Variants in GRAMD1B observed in about 807,000 individuals in gnomAD.
GRAMD1B encodes GRAM domain containing 1B.
In GRAMD1B, 37 loss-of-function variants were observed where a neutral mutation model predicts 99.7. The observed-to-expected ratio is 0.37, with a 90% CI of 0.29 to 0.49. The LOEUF is 0.49. Ranked by LOEUF, GRAMD1B falls within the 20% of genes least tolerant of loss-of-function variation. The pLI is 0.98. For synonymous variants in GRAMD1B, 427 were observed against 387.6 expected (o/e 1.10, Z -1.19); for missense variants, 888 against 1,009.2 (o/e 0.88, Z 1.63).
intron 2 of GRAMD1B, among the ~76,000 whole-genome samples, chr11:123,530,799 C>A (rs1026056906): frequency 1.3e-5 from 2 of 152,112 alleles, no homozygotes; most frequent in East Asian, 3.9e-4. Context: ...AGGTGAGTTG[C>A]GGTGAAGGTT....
chr11:123,451,819 C>A (rs751771532), intron 1 of GRAMD1B, among the ~76,000 whole-genome samples: 2 of 148,856 alleles, frequency 1.3e-5, no homozygotes, highest in Non-Finnish European at 3.0e-5. Context: ...ATTATTCATT[C>A]ATTTGTTTGA....
chr11:123,483,417 G>T lies in GRAMD1B; in HGVS notation c.452+2524G>T, dbSNP rs548112610. 5.5e-5 allele frequency among the ~76,000 whole-genome samples: 8 copies of T among 145,888 alleles called. No homozygotes were observed. The East Asian group carries it at 1.2e-3, about 22-fold the overall frequency. ...TTTTTTTTTTTTTTTTTGAGATAGG[G>T]TCTCTGTCACCCAGGCTGAAGTGCA... On this transcript the variant is annotated intron_variant, in intron 2 of 19. Coordinates refer to ENST00000635736, the MANE Select transcript of GRAMD1B (RefSeq NM_001387025.1).
chr11:123,443,460 A>G (rs1265031994), intron 1 of GRAMD1B, among the ~76,000 whole-genome samples: 3 of 152,264 alleles, frequency 2.0e-5, no homozygotes, highest in Non-Finnish European at 4.4e-5. Flanking sequence ...ATGTAAGACA[A>G]TAATCAATAC....
intron 1 of GRAMD1B, among the ~76,000 whole-genome samples, chr11:123,410,919 G>C (rs1197829524): frequency 6.6e-6 from 1 of 152,020 alleles, no homozygotes; most frequent in Admixed American, 6.6e-5. Flanking sequence ...CTAATGGTTT[G>C]AGAAAATGGA....
intron 12 of GRAMD1B, 125 bp downstream of exon 12, chr11:123,608,927 A>G (rs370811586): frequency 1.4e-6 from 1 of 706,346 alleles, no homozygotes; most frequent in Non-Finnish European, 2.4e-6. Flanking sequence ...CGGCCACCTC[A>G]GGGCCCAGAC....
chr11:123,563,671 C>T (rs1947048490), intron 2 of GRAMD1B, among the ~76,000 whole-genome samples: 1 of 152,036 alleles, frequency 6.6e-6, no homozygotes, highest in African/African-American at 2.4e-5. Flanking sequence ...AACCACCACA[C>T]CTGGCTAATT....
At chr11:123,403,477 TAA>T (rs1473426674) in intron 1 of GRAMD1B, among the ~76,000 whole-genome samples, 29 of 148,026 alleles carry the variant, frequency 2.0e-4, no homozygotes, top group African/African-American at 6.7e-4. Flanking sequence ...ATAATAATAA[TAA>T]TAATAATAAT....
chr11:123,497,816 G>A (rs1274716908), intron 2 of GRAMD1B, among the ~76,000 whole-genome samples: 2 of 149,636 alleles, frequency 1.3e-5, no homozygotes, highest in Non-Finnish European at 2.9e-5. Flanking sequence ...CAGGAGAATC[G>A]CTTGAACCCG....
chr11:123,584,269 T>C, intron 3 of GRAMD1B, 43 bp from the exon 4 acceptor site: 1 of 916,448 alleles, frequency 1.1e-6, no homozygotes, highest in Non-Finnish European at 1.5e-6. Context: ...CCCCCATTTC[T>C]TCCCTGACTA....
At chr11:123,412,421 T>C (rs1310576301) in intron 1 of GRAMD1B, among the ~76,000 whole-genome samples, 1 of 152,200 alleles carries the variant, frequency 6.6e-6, no homozygotes, top group Non-Finnish European at 1.5e-5. Context: ...TGCATATTAT[T>C]TTTCCTCTTT....
At chr11:123,448,355 C>T (rs1252200236) in intron 1 of GRAMD1B, among the ~76,000 whole-genome samples, 3 of 109,356 alleles carry the variant, frequency 2.7e-5, no homozygotes, top group African/African-American at 4.4e-5. Context: ...TGGGTTCAAG[C>T]GATTCTCGTG....
intron 2 of GRAMD1B, among the ~76,000 whole-genome samples, chr11:123,573,413 G>A (rs755678316): frequency 6.6e-6 from 1 of 152,200 alleles, no homozygotes; most frequent in Admixed American, 6.5e-5. Flanking sequence ...GAAGCCTGGA[G>A]GCAGGAAGTT....
intron 1 of GRAMD1B, among the ~76,000 whole-genome samples, chr11:123,417,674 T>C (rs501837): frequency 0.97 from 148,148 of 152,276 alleles, 72,096 homozygotes; most frequent in East Asian, 1. Context: ...CAATGGCCCA[T>C]GCCTGTAATC....
chr11:123,479,098 G>A (rs1591653997), intron 1 of GRAMD1B, among the ~76,000 whole-genome samples: 1 of 152,176 alleles, frequency 6.6e-6, no homozygotes, highest in Admixed American at 6.5e-5. Flanking sequence ...CATAGTGAAC[G>A]AGCTGTAAAA....
At chr11:123,385,587 G>A (rs1226322521) in intron 1 of GRAMD1B, among the ~76,000 whole-genome samples, 1 of 151,992 alleles carries the variant, frequency 6.6e-6, no homozygotes, top group Non-Finnish European at 1.5e-5. Context: ...TACTCACTTG[G>A]AGGCCCTTCC....
intron 2 of GRAMD1B, among the ~76,000 whole-genome samples, chr11:123,524,752 A>G (rs887132619): frequency 1.3e-5 from 2 of 152,174 alleles, no homozygotes; most frequent in African/African-American, 4.8e-5. Flanking sequence ...GTAAAGGCTT[A>G]TTATGGTTCA....
At chr11:123,550,573 A>G (rs1466474674) in intron 2 of GRAMD1B, among the ~76,000 whole-genome samples, 1 of 152,136 alleles carries the variant, frequency 6.6e-6, no homozygotes, top group Non-Finnish European at 1.5e-5. Flanking sequence ...GGGTGGAGGA[A>G]GGTGGAGGGG....
intron 2 of GRAMD1B, among the ~76,000 whole-genome samples, chr11:123,544,562 C>T (rs1487245308): frequency 2.0e-5 from 3 of 152,210 alleles, no homozygotes; most frequent in African/African-American, 7.2e-5. Flanking sequence ...GCTTTCCAAC[C>T]TTGCTCCAAC....
chr11:123,534,569 G>A (rs1039065438), intron 2 of GRAMD1B, among the ~76,000 whole-genome samples: 1 of 151,994 alleles, frequency 6.6e-6, no homozygotes, highest in African/African-American at 2.4e-5. Context: ...GAGATTTCAA[G>A]AGAGACGAGC....
Sources: gnomAD v4.1 joint callset for allele counts (sites outside exome capture counted in the v4.1 genomes callset) on GRCh38, gnomAD v4.1.1 for gene constraint, MANE v1.5 for transcripts, NCBI Gene and HGNC (gene_info 2026-07-23, HGNC 2026-07-21) for gene names.